Variants in AMPD3 observed in about 807,000 individuals in gnomAD.
AMPD3 encodes adenosine monophosphate deaminase 3.
A neutral mutation model predicts 82.3 loss-of-function variants in AMPD3; 57 were observed. That is an observed-to-expected ratio of 0.69 (90% CI 0.56 to 0.86). The LOEUF (loss-of-function observed/expected upper bound fraction) is 0.86. Among genes scored for constraint, AMPD3 ranks in the 40% least tolerant of loss-of-function variants. AMPD3 has a pLI of 0.00. For synonymous variants in AMPD3, 381 were observed against 394.7 expected (o/e 0.97, Z 0.41); for missense variants, 870 against 1,003.8 (o/e 0.87, Z 1.80).
chr11:10,455,775 G>T (rs1470987534), intron 1 of AMPD3, among the ~76,000 whole-genome samples: 1 of 152,178 alleles, frequency 6.6e-6, no homozygotes, highest in Non-Finnish European at 1.5e-5. Context: ...TAGCAACTGG[G>T]ATTGAAGCTC....
upstream of AMPD3, chr11:10,450,809 C>T: frequency 8.4e-7 from 1 of 1,187,040 alleles, no homozygotes; most frequent in Non-Finnish European, 1.0e-6. Context: ...GGCTTCCTCC[C>T]TGCTGAGGCG....
chr11:10,495,098 G>T (rs899878956), intron 8 of AMPD3, 68 bp downstream of exon 8: 2 of 1,612,962 alleles, frequency 1.2e-6, no homozygotes, highest in Non-Finnish European at 1.7e-6. Flanking sequence ...AGAGAGTGGG[G>T]GCCCTGTGTG....
intron 3 of AMPD3, 35 bp from the exon 4 acceptor site, chr11:10,482,027 TG>T: frequency 6.2e-7 from 1 of 1,613,800 alleles, no homozygotes; most frequent in Non-Finnish European, 8.5e-7. Flanking sequence ...TCAGGCCTGC[TG>T]CATGAACCCT....
intron 2 of AMPD3, chr11:10,477,925 C>T (rs17401498): frequency 0.078 from 76,436 of 985,338 alleles, 3,251 homozygotes; most frequent in Non-Finnish European, 0.086. Flanking sequence ...GCTTGGATGG[C>T]GGTCGCTAGT....
intron 2 of AMPD3, among the ~76,000 whole-genome samples, chr11:10,476,386 C>T (rs1848735338): frequency 6.6e-6 from 1 of 152,100 alleles, no homozygotes; most frequent in African/African-American, 2.4e-5. Context: ...CTAGCTTCCT[C>T]ACTGGGGCAG....
chr11:10,497,003 G>A (rs1432779703), intron 10 of AMPD3, 65 bp downstream of exon 10: 1 of 1,587,068 alleles, frequency 6.3e-7, no homozygotes, highest in East Asian at 2.2e-5. Flanking sequence ...TTCGCTGTGA[G>A]CTGGGTCAGG....
In AMPD3 at chr11:10,478,674, C is replaced by A. The variant is rs1431045611; in HGVS notation, c.370C>A (p.Pro124Thr). ...AGCCACTTCCCTGCCCACGCCAGCACCCTATGCCATGCCTGAGTTCCAGCG... is the reference window on the plus strand; with the variant it reads ...AGCCACTTCCCTGCCCACGCCAGCAACCTATGCCATGCCTGAGTTCCAGCG... ...TGATSLPTPA[P>T]YAMPEFQRVT... The change falls in exon 3 of 15, where the codon CCC becomes ACC. Residue 124 changes from proline to threonine, a missense_variant. Transcript: ENST00000396553. 1 of 1,614,208 alleles carries A rather than the reference C, an allele frequency of 6.2e-7. No individual in the cohort carries two copies. Among genetic ancestry groups the A allele is most frequent in the South Asian group, 1.1e-5 (1 of 91,088 alleles).
intron 14 of AMPD3, 65 bp downstream of exon 14, chr11:10,504,724 C>T: frequency 1.4e-6 from 2 of 1,394,036 alleles, no homozygotes; most frequent in East Asian, 2.3e-5. Flanking sequence ...TGCCAGGAGC[C>T]TTCCAGGCAC....
chr11:10,471,072 G>C (rs1371146001), intron 2 of AMPD3, among the ~76,000 whole-genome samples: 1 of 152,124 alleles, frequency 6.6e-6, no homozygotes, highest in East Asian at 1.9e-4. Flanking sequence ...ATACTACAAG[G>C]CTACAGTAAA....
chr11:10,500,508 T>C lies in AMPD3; in HGVS notation c.1721+259T>C, dbSNP rs1010147085. ...GTACAGACATATGTCATGTACAGTA[T>C]GCAATGCAGCCACAGTCCACACGTG... is the stretch of plus-strand genomic sequence containing the variant. On this transcript the variant is annotated intron_variant, in intron 11 of 14. Transcript: ENST00000396553. The C allele has an allele frequency of 6.8e-6, 5 of 739,672 alleles. No homozygotes were observed. In the African/African-American group the frequency reaches 7.6e-5, roughly 11 times the overall value. The allele number at this position is 739,672 out of a possible 1,614,324, so 45.8% of individuals were successfully genotyped here.
chr11:10,493,496 C>T lies in AMPD3; in HGVS notation c.1087C>T (p.His363Tyr), dbSNP rs886047587. 6 of 1,614,096 alleles carry T rather than the reference C, an allele frequency of 3.7e-6. No homozygotes were observed. Among genetic ancestry groups the T allele is most frequent in the Non-Finnish European group, 5.1e-6 (6 of 1,180,052 alleles). The change falls in exon 7 of 15, where the codon CAC becomes TAC. Residue 363 changes from histidine to tyrosine, a missense_variant. By Grantham distance (83) the His-to-Tyr change is moderately conservative. Transcript: ENST00000396553. ...CCTGCGGCAGGTGTTTGACGGCCTGCACATGGACCCCTACGACCTCACTGT... is the reference window on the plus strand; with the variant it reads ...CCTGCGGCAGGTGTTTGACGGCCTGTACATGGACCCCTACGACCTCACTGT... Reference protein sequence around the residue: ...ITLRQVFDGLHMDPYDLTVDS... With the variant: ...ITLRQVFDGLYMDPYDLTVDS...
Position 10,455,412 on chromosome 11 carries a change from T to C in AMPD3, c.-42T>C, listed in dbSNP as rs1277762157. 1.0e-6 allele frequency: 1 copy of C among 984,860 alleles called. No homozygotes were observed. The highest frequency in any genetic ancestry group is 1.8e-5 in the African/African-American group (1 of 57,076). The allele number at this position is 984,860 out of a possible 1,614,324, so 61.0% of individuals were successfully genotyped here. A position where few individuals can be genotyped will look rare whatever the true frequency, so the allele number is the denominator to read the frequency against. On this transcript the variant is annotated 5_prime_UTR_variant, in exon 1 of 15. Transcript: ENST00000396553. ...AGGAGTGGCAGAGTCCAGCCAGCGCTCGGAGCTGGAGGCCCACGTGGGAGC... is the reference window on the plus strand; with the variant it reads ...AGGAGTGGCAGAGTCCAGCCAGCGCCCGGAGCTGGAGGCCCACGTGGGAGC...
intron 5 of AMPD3, among the ~76,000 whole-genome samples, chr11:10,486,216 C>T (rs915365669): frequency 1.3e-5 from 2 of 152,116 alleles, no homozygotes; most frequent in African/African-American, 4.8e-5. Context: ...AACTCCCTTC[C>T]GACTCTGAGG....
upstream of AMPD3, among the ~76,000 whole-genome samples, chr11:10,452,171 G>GT (rs534626285): frequency 6.7e-5 from 10 of 148,494 alleles, no homozygotes; most frequent in African/African-American, 1.2e-4. Flanking sequence ...GAGAGATGAG[G>GT]TTTTTTGTAG....
chr11:10,502,970 GA>G (rs1849621134), intron 13 of AMPD3, 76 bp downstream of exon 13: 1 of 1,537,884 alleles, frequency 6.5e-7, no homozygotes, highest in South Asian at 1.1e-5. Context: ...TCAGGAACCT[GA>G]GCCCATGGCT....
At chr11:10,453,303 T>G (rs149028370), upstream of AMPD3, among the ~76,000 whole-genome samples, 194 of 152,328 alleles carry the variant, frequency 1.3e-3, 2 homozygotes, top group African/African-American at 4.3e-3. Context: ...TTGCCATAGG[T>G]GGATTGATCT....
At chr11:10,500,856 C>T in intron 11 of AMPD3, 1 of 985,456 alleles carries the variant, frequency 1.0e-6, no homozygotes, top group Non-Finnish European at 1.2e-6. Flanking sequence ...GACACTGAGC[C>T]ATTCCCTTCC....
Position 10,456,274 on chromosome 11 carries a change from C to A in AMPD3, c.-6+826C>A. On this transcript the variant is annotated intron_variant, in intron 1 of 14. Transcript: ENST00000396553. This position sits in a 1 kb window ranked among gnomAD's most constrained non-coding sequence, Gnocchi z 4.3. Reference sequence around the variant, plus strand: ...CAAAACAGAGACCTCCTACTCCAGCCGGCAGACAGGACCCAGCCAGCTGCA... The same window carrying A: ...CAAAACAGAGACCTCCTACTCCAGCAGGCAGACAGGACCCAGCCAGCTGCA... 3 of 1,573,948 alleles carry A rather than the reference C, an allele frequency of 1.9e-6. No homozygotes were observed. The South Asian group carries it at 3.5e-5, about 18-fold the overall frequency.
intron 6 of AMPD3, among the ~76,000 whole-genome samples, chr11:10,487,828 C>T (rs1284505800): frequency 6.6e-6 from 1 of 152,092 alleles, no homozygotes. Context: ...TTTTCTCTTC[C>T]TGTGTTAGTT....
Sources: allele counts gnomAD v4.1 joint callset (sites outside exome capture counted in the v4.1 genomes callset), GRCh38; gene constraint gnomAD v4.1.1; non-coding constraint Gnocchi (gnomAD v3.1); transcripts MANE v1.5; gene names NCBI Gene and HGNC (gene_info 2026-07-23, HGNC 2026-07-21).